Variants in CCDC73 observed in about 807,000 individuals in gnomAD.
The protein encoded by CCDC73 is coiled-coil domain-containing protein 73.
A neutral mutation model predicts 116.5 loss-of-function variants in CCDC73; 95 were observed. That is an observed-to-expected ratio of 0.82 (90% confidence interval 0.69 to 0.97). The LOEUF (loss-of-function observed/expected upper bound fraction) is 0.97, where lower values mean the gene tolerates loss of function less well. Ranked by LOEUF, CCDC73 falls within the 50% of genes least tolerant of loss-of-function variation. The pLI is 0.00. For synonymous variants in CCDC73, 398 were observed against 401.3 expected, an observed-to-expected ratio of 0.99 and a Z score of 0.10; for missense variants, 1,066 against 1,206.8, an observed-to-expected ratio of 0.88 and a Z score of 1.73.
intron 3 of CCDC73, among the ~76,000 whole-genome samples, chr11:32,709,177 T>C (rs1484368968): frequency 6.6e-6 from 1 of 152,370 alleles, no homozygotes; most frequent in Non-Finnish European, 1.5e-5. Flanking sequence ...ATTTTTCTTT[T>C]AAATTCTGTT....
At chr11:32,769,575 G>A (rs1285694147) in intron 1 of CCDC73, among the ~76,000 whole-genome samples, 2 of 152,152 alleles carry the variant, frequency 1.3e-5, no homozygotes, top group Non-Finnish European at 2.9e-5. Context: ...AACCAGCAAA[G>A]ATTCAAGGGA....
chr11:32,776,958 TATACACACACACAC>T (rs1850538991), intron 1 of CCDC73, among the ~76,000 whole-genome samples: 1 of 29,662 alleles, frequency 3.4e-5, no homozygotes, highest in Admixed American at 5.8e-4. Context: ...TATATATATA[TATACACACACACAC>T]ATATATATAT....
chr11:32,810,528 A>C, the CCDC73 span, among the ~76,000 whole-genome samples: 2 of 152,216 alleles, frequency 1.3e-5, no homozygotes, highest in African/African-American at 2.4e-5. Context: ...TGCTCTTTCT[A>C]ATTCAGCACG....
chr11:32,608,403 G>A (rs1855382076), intron 17 of CCDC73, among the ~76,000 whole-genome samples: 1 of 151,758 alleles, frequency 6.6e-6, no homozygotes. Context: ...GGGTCTACAG[G>A]CCCTGTGAAA....
chr11:32,613,052 CAGAA>C (rs1855436200), intron 16 of CCDC73, among the ~76,000 whole-genome samples: 1 of 152,012 alleles, frequency 6.6e-6, no homozygotes, highest in Non-Finnish European at 1.5e-5. Context: ...ACTTATAAAA[CAGAA>C]GGAAGAGCCG....
chr11:32,776,660 G>A (rs2072985136), intron 1 of CCDC73, among the ~76,000 whole-genome samples: 1 of 151,726 alleles, frequency 6.6e-6, no homozygotes, highest in Non-Finnish European at 1.5e-5. Flanking sequence ...CTAAATCCAT[G>A]TTGTGTGCTT....
At chr11:32,606,914 C>G (rs572525385) in intron 17 of CCDC73, among the ~76,000 whole-genome samples, 94 of 145,888 alleles carry the variant, frequency 6.4e-4, no homozygotes, top group Non-Finnish European at 1.3e-3. Context: ...GTAGCTGGGA[C>G]TACAGGTGCC....
chr11:32,626,169 A>T (rs1855571729), intron 14 of CCDC73, among the ~76,000 whole-genome samples: 1 of 152,118 alleles, frequency 6.6e-6, no homozygotes, highest in African/African-American at 2.4e-5. Flanking sequence ...ACCCACAAGC[A>T]TTCTTATACA....
chr11:32,686,220 A>C (rs1856198817), intron 6 of CCDC73, among the ~76,000 whole-genome samples: 1 of 150,834 alleles, frequency 6.6e-6, no homozygotes, highest in South Asian at 2.1e-4. Flanking sequence ...AAAAAAAAAA[A>C]AAAAAAAAAA....
chr11:32,616,076 T>C lies in CCDC73; in HGVS notation c.1239A>G (p.Glu413=). 1 of 1,588,162 alleles carries C rather than the reference T, an allele frequency of 6.3e-7. No homozygotes were observed. The highest frequency in any genetic ancestry group is 8.5e-7 in the Non-Finnish European group (1 of 1,171,404). Reference sequence around the variant, plus strand: ...TATTATATTTCTGTATAATGGTGTTTTCTGATTTTTCAGTTGACATTTCAC... The same window carrying C: ...TATTATATTTCTGTATAATGGTGTTCTCTGATTTTTCAGTTGACATTTCAC... ...ENSEMSTEKS[E]NTIIQKYNTE... The change falls in exon 15 of 18, where the codon GAA becomes GAG. Residue 413 remains glutamate (E), a synonymous_variant. Coordinates refer to ENST00000335185, the MANE Select transcript of CCDC73 (RefSeq NM_001008391.4).
chr11:32,626,106 T>C (rs1176598186), intron 14 of CCDC73, among the ~76,000 whole-genome samples: 1 of 151,564 alleles, frequency 6.6e-6, no homozygotes, highest in African/African-American at 2.4e-5. Flanking sequence ...AAAATCTCCT[T>C]AAGCTGATAG....
At chr11:32,799,484 T>C (rs1645677575), upstream of CCDC73, among the ~76,000 whole-genome samples, 1 of 152,084 alleles carries the variant, frequency 6.6e-6, no homozygotes, top group Admixed American at 6.6e-5. Flanking sequence ...GCCCAGCCTG[T>C]GGGTTTTTTT....
chr11:32,628,587 A>T (rs1855598215), intron 14 of CCDC73, among the ~76,000 whole-genome samples: 1 of 152,096 alleles, frequency 6.6e-6, no homozygotes, highest in South Asian at 2.1e-4. Context: ...TTTTGTAGAG[A>T]CCCCAGCAGG....
intron 14 of CCDC73, among the ~76,000 whole-genome samples, chr11:32,626,381 C>T (rs1371720915): frequency 3.3e-5 from 5 of 151,718 alleles, no homozygotes; most frequent in African/African-American, 9.7e-5. Flanking sequence ...TAATCAATAT[C>T]GTGAAAATGG....
chr11:32,818,656 C>A, the CCDC73 span, among the ~76,000 whole-genome samples: 1 of 152,056 alleles, frequency 6.6e-6, no homozygotes, highest in South Asian at 2.1e-4. Context: ...GGAAACAGCC[C>A]AAATGTCTAT....
chr11:32,649,372 TA>T (rs1457790995), intron 12 of CCDC73, among the ~76,000 whole-genome samples: 3 of 152,202 alleles, frequency 2.0e-5, no homozygotes. Flanking sequence ...TAACTATGCT[TA>T]TAACTGGACT....
chr11:32,717,873 AAGG>A (rs996102810), intron 3 of CCDC73, among the ~76,000 whole-genome samples, 200 bp downstream of exon 3: 8 of 152,278 alleles, frequency 5.3e-5, no homozygotes, highest in African/African-American at 1.4e-4. Context: ...AGGTGACAGA[AAGG>A]AGAAGTGCTG....
chr11:32,617,211 C>T (rs1855481882), intron 14 of CCDC73, among the ~76,000 whole-genome samples: 1 of 152,052 alleles, frequency 6.6e-6, no homozygotes, highest in Non-Finnish European at 1.5e-5. Context: ...ACCAGGAAGA[C>T]ACTGAGAAGT....
chr11:32,613,965 G>T lies in CCDC73; in HGVS notation c.2353C>A (p.His785Asn). ...SHLHLNNENSHASQAKDVKTA... is the reference protein window; with the variant it reads ...SHLHLNNENSNASQAKDVKTA... ...TTCACATCTTTGGCTTGTGAAGCAT[G>T]ACTATTCTCATTGTTAAGATGAAGA... Residue 785 changes from histidine (H) to asparagine (N), a missense_variant, in exon 16 of 18, where the codon CAT (histidine) becomes AAT (asparagine). His to Asn is a moderately conservative substitution (Grantham distance 68). Coordinates refer to ENST00000335185, the MANE Select transcript of CCDC73 (RefSeq NM_001008391.4). 1.9e-6 allele frequency: 3 copies of T among 1,610,796 alleles called. No homozygotes were observed. Among genetic ancestry groups the T allele is most frequent in the South Asian group, 2.2e-5 (2 of 91,048 alleles).
Sources: allele counts gnomAD v4.1 joint callset (sites outside exome capture counted in the v4.1 genomes callset), GRCh38; gene constraint gnomAD v4.1.1; transcripts MANE v1.5; gene names NCBI Gene and HGNC (gene_info 2026-07-23, HGNC 2026-07-21).